The following PCDHGA10 variants were observed in gnomAD, a reference collection of about 807,000 sequenced individuals.
The protein encoded by PCDHGA10 is protocadherin gamma subfamily A, 10, also known as protocadherin gamma-A10.
In PCDHGA10, 42 loss-of-function variants were observed where a neutral mutation model predicts 59.5. The ratio of observed to expected loss-of-function variants is 0.71; its 90% CI spans 0.55 to 0.91. The LOEUF (loss-of-function observed/expected upper bound fraction) is 0.91, where lower values mean the gene tolerates loss of function less well. Among genes scored for constraint, PCDHGA10 ranks in the 40% least tolerant of loss-of-function variants. The pLI is 0.00. For synonymous variants in PCDHGA10, 511 were observed against 517.2 expected, an observed-to-expected ratio of 0.99 and a Z score of 0.16; for missense variants, 1,111 against 1,198.2, an observed-to-expected ratio of 0.93 and a Z score of 1.07.
chr5:141,432,611 T>C lies in PCDHGA10; in HGVS notation c.2436+17000T>C, dbSNP rs141541670. On this transcript the variant is annotated intron_variant, in intron 1 of 3. Transcript: ENST00000398610. This position sits in a 1 kb window ranked among gnomAD's most constrained non-coding sequence, Gnocchi z 6.0. ...CAAGGCCAGCGAGCCGGGACTCTTC[T>C]CGGTGGGTCTGCACACGGGCGAGGT... The C allele has an allele frequency of 2.5e-6, 4 of 1,613,860 alleles. No homozygotes were observed. In the South Asian group the frequency reaches 4.4e-5, roughly 18 times the overall value.
chr5:141,413,299 G>T lies in PCDHGA10; in HGVS notation c.124G>T (p.Glu42Ter). The change falls in exon 1 of 4, where the codon GAA (glutamate) becomes TAA (stop). Residue 42 changes from glutamate to a stop codon, truncating the protein, a stop_gained. Transcript: ENST00000398610. LOFTEE classifies it high-confidence loss of function. The part of the protein sequence containing the change: ...ARQISYSIPE[E>*]LEKGSFVGNI... ...GCAGATCTCCTACTCAATTCCTGAG[G>T]AATTAGAGAAAGGCTCTTTCGTGGG... is the stretch of plus-strand genomic sequence containing the variant. The T allele has an allele frequency of 6.2e-7, 1 of 1,613,966 alleles. No individual in the cohort carries two copies. The highest frequency in any genetic ancestry group is 8.5e-7 in the Non-Finnish European group (1 of 1,179,914).
intron 1 of PCDHGA10, chr5:141,421,871 CT>C: frequency 6.2e-7 from 1 of 1,613,756 alleles, no homozygotes; most frequent in Non-Finnish European, 8.5e-7. Flanking sequence ...CTCCTCACAG[CT>C]TTAGATGGAG....
chr5:141,423,364 C>G (rs1299667864), intron 1 of PCDHGA10: 2 of 1,614,102 alleles, frequency 1.2e-6, no homozygotes, highest in East Asian at 4.5e-5. Flanking sequence ...CATCGTGCTG[C>G]TGGCACTCAG....
rs1422052114 is a variant in PCDHGA10, at chr5:141,511,168, A to T, written c.2806A>T (p.Lys936Ter). The change falls in exon 4 of 4, where the codon AAG (lysine) becomes TAG (stop). Residue 936 changes from lysine to a stop codon, truncating the protein, a stop_gained. Coordinates refer to ENST00000398610, the MANE Select transcript of PCDHGA10 (RefSeq NM_018913.3). LOFTEE classifies it high-confidence loss of function. ...GAAGAAGTCGGGCAAGAAGGAGAAG[A>T]AGTAACATGGAGGCCAGGCCAAGAG... is the stretch of plus-strand genomic sequence containing the variant. The part of the protein sequence containing the change: ...NKKKSGKKEK[K>*] 1.4e-5 allele frequency: 22 copies of T among 1,614,038 alleles called. No individual in the cohort carries two copies. The highest frequency in any genetic ancestry group is 1.7e-5 in the Non-Finnish European group (20 of 1,180,008).
chr5:141,450,150 G>T (rs1314865325), intron 1 of PCDHGA10, among the ~76,000 whole-genome samples: 1 of 150,342 alleles, frequency 6.7e-6, no homozygotes, highest in Non-Finnish European at 1.5e-5. Flanking sequence ...GGGACTACAG[G>T]CATGTGCCAC....
intron 1 of PCDHGA10, among the ~76,000 whole-genome samples, chr5:141,450,696 A>G (rs943551061): frequency 1.3e-5 from 2 of 152,164 alleles, no homozygotes; most frequent in East Asian, 3.9e-4. Flanking sequence ...CATGTTGCCC[A>G]GGATGGTCTC....
At chr5:141,501,550 A>G (rs1251701030) in intron 2 of PCDHGA10, among the ~76,000 whole-genome samples, 3 of 152,078 alleles carry the variant, frequency 2.0e-5, no homozygotes, top group Non-Finnish European at 4.4e-5. Flanking sequence ...ATAAGATCAT[A>G]GGCCCTGGAA....
intron 1 of PCDHGA10, chr5:141,419,462 C>T: frequency 6.2e-7 from 1 of 1,612,582 alleles, no homozygotes. Flanking sequence ...GCTGCAGGCC[C>T]GCGACCAGGG....
rs147674746 is a variant in PCDHGA10, at chr5:141,477,348, C to G, written c.2437-17459C>G. 7 of 1,614,180 alleles carry G rather than the reference C, an allele frequency of 4.3e-6. No individual in the cohort carries two copies. Among genetic ancestry groups the G allele is most frequent in the Non-Finnish European group, 5.9e-6 (7 of 1,180,030 alleles). ...CTCAAGAATTACTTCACTTTGAAAA[C>G]CAGTGCAGACCTGGATCGGGAGACT... is the stretch of plus-strand genomic sequence containing the variant. On this transcript the variant is annotated intron_variant, in intron 1 of 3. Transcript: ENST00000398610. The surrounding 1 kb of genome is among the most constrained non-coding windows in gnomAD (Gnocchi z 4.9).
At chr5:141,419,663 G>A in intron 1 of PCDHGA10, 1 of 1,612,826 alleles carries the variant, frequency 6.2e-7, no homozygotes, top group Non-Finnish European at 8.5e-7. Flanking sequence ...GGGGCACAAT[G>A]CCTGGCTGTC....
intron 1 of PCDHGA10, among the ~76,000 whole-genome samples, chr5:141,463,797 T>C (rs58523023): frequency 0.28 from 42,459 of 152,012 alleles, 6,656 homozygotes; most frequent in African/African-American, 0.43. Flanking sequence ...TGAACAAATG[T>C]CTAAAAGCTT....
Position 141,491,057 on chromosome 5 carries a change from CCTA to C in PCDHGA10, c.2437-3747_2437-3745del. On this transcript the variant is annotated intron_variant, in intron 1 of 3. Coordinates refer to ENST00000398610, the MANE Select transcript of PCDHGA10 (RefSeq NM_018913.3). The surrounding 1 kb of genome is among the most constrained non-coding windows in gnomAD (Gnocchi z 6.9). ...GATGCAGGCCACAATGCGTGGCTCTCCTACTCACTGTTGCCACAGTCCACAGCC... is the reference window on the plus strand; with the variant it reads ...GATGCAGGCCACAATGCGTGGCTCTCCTCACTGTTGCCACAGTCCACAGCC... 6.2e-7 allele frequency: 1 copy of C among 1,614,208 alleles called. No homozygotes were observed. The highest frequency in any genetic ancestry group is 8.5e-7 in the Non-Finnish European group (1 of 1,180,022).
At chr5:141,426,680 T>TC in intron 1 of PCDHGA10, 1 of 431,452 alleles carries the variant, frequency 2.3e-6, no homozygotes, top group South Asian at 1.6e-5. Context: ...CACCTCATTT[T>TC]CCCCAAAATA....
At chr5:141,482,761 ATT>A (rs2099571906) in intron 1 of PCDHGA10, among the ~76,000 whole-genome samples, 1 of 127,370 alleles carries the variant, frequency 7.9e-6, no homozygotes, top group Admixed American at 7.7e-5. Flanking sequence ...ATGGTATTTC[ATT>A]ATCACTGAAC....
intron 1 of PCDHGA10, chr5:141,424,411 C>T (rs1259102577): frequency 6.6e-6 from 1 of 152,154 alleles, no homozygotes; most frequent in Admixed American, 6.5e-5. Flanking sequence ...GGTGAAGTTA[C>T]ATTGACTGTT....
At chr5:141,461,820 A>AT (rs1458631685) in intron 1 of PCDHGA10, among the ~76,000 whole-genome samples, 5 of 147,814 alleles carry the variant, frequency 3.4e-5, no homozygotes, top group African/African-American at 7.5e-5. Context: ...CACCCAGCTA[A>AT]TTTTTTTTTC....
chr5:141,505,676 C>A (rs1308943385), intron 3 of PCDHGA10, among the ~76,000 whole-genome samples, 195 bp downstream of exon 3: 1 of 152,060 alleles, frequency 6.6e-6, no homozygotes, highest in South Asian at 2.1e-4. Context: ...GGTTGGGGGT[C>A]CTGGGATGCC....
chr5:141,457,480 G>A lies in PCDHGA10; in HGVS notation c.2437-37327G>A, dbSNP rs566798464. ...GATTCACAGGAATAAGCAGGGCCAGGGTTAGTCTAAAATGTAGGCAAAAAG... is the reference window on the plus strand; with the variant it reads ...GATTCACAGGAATAAGCAGGGCCAGAGTTAGTCTAAAATGTAGGCAAAAAG... On this transcript the variant is annotated intron_variant, in intron 1 of 3. Transcript: ENST00000398610. 2.0e-5 allele frequency among the ~76,000 whole-genome samples: 3 copies of A among 152,266 alleles called. No individual in the cohort carries two copies. In the South Asian group the frequency reaches 6.2e-4, roughly 32 times the overall value.
chr5:141,506,372 C>A (rs1243713695), intron 3 of PCDHGA10, among the ~76,000 whole-genome samples: 1 of 151,402 alleles, frequency 6.6e-6, no homozygotes, highest in Non-Finnish European at 1.5e-5. Context: ...TCGCTTGAAC[C>A]TGGGAGGTGG....
Sources: gnomAD v4.1 joint callset for allele counts (sites outside exome capture counted in the v4.1 genomes callset) on GRCh38, gnomAD v4.1.1 for gene constraint, Gnocchi (gnomAD v3.1) non-coding constraint, MANE v1.5 for transcripts, NCBI Gene and HGNC (gene_info 2026-07-23, HGNC 2026-07-21) for gene names.